The following SLC22A11 variants were observed in gnomAD, a reference collection of about 807,000 sequenced individuals.
SLC22A11 encodes the protein organic anion transporter 4.
In SLC22A11, 42 loss-of-function variants were observed where a neutral mutation model predicts 49.4. The observed-to-expected ratio is 0.85, with a 90% CI of 0.66 to 1.10. SLC22A11 has a LOEUF of 1.10. Ranked by LOEUF, SLC22A11 falls within the 50% of genes least tolerant of loss-of-function variation. The probability of loss-of-function intolerance (pLI) is 0.00; values close to 1 mark genes in which losing one functional copy is unlikely to be tolerated. For synonymous variants in SLC22A11, 304 were observed against 315.8 expected (o/e 0.96, Z 0.40); for missense variants, 685 against 731.6 (o/e 0.94, Z 0.74).
In SLC22A11 at chr11:64,565,689, C is replaced by T. The variant is rs1032870920; in HGVS notation, c.1058+352C>T. 3.3e-5 allele frequency: 13 copies of T among 391,666 alleles called. No homozygotes were observed. The highest frequency in any genetic ancestry group is 5.5e-5 in the Non-Finnish European group (11 of 198,776). 24.3% of individuals were successfully genotyped at this position (391,666 alleles called of 1,614,324 possible). A position where few individuals can be genotyped will look rare whatever the true frequency, so the allele number is the denominator to read the frequency against. Reference sequence around the variant, plus strand: ...GCCGAGGAGTACCACTGTGTGTCATCGTTAGAGACTTACCACTTTCCTAGA... The same window carrying T: ...GCCGAGGAGTACCACTGTGTGTCATTGTTAGAGACTTACCACTTTCCTAGA... On this transcript the variant is annotated intron_variant, in intron 6 of 9. Transcript: ENST00000301891. The surrounding 1 kb of genome is among the most constrained non-coding windows in gnomAD (Gnocchi z 4.1).
In SLC22A11 at chr11:64,562,475, G is replaced by A; in HGVS notation, c.821+40G>A. On this transcript the variant is annotated intron_variant, in intron 4 of 9. Transcript: ENST00000301891. This position sits in a 1 kb window ranked among gnomAD's most constrained non-coding sequence, Gnocchi z 4.4. The stretch of plus-strand genomic sequence containing the variant: ...GGACCTTTTCCTTAGGAGACCCAGG[G>A]TGGGAGGGGGACTCTTCACTTTCAC... 1 of 1,499,480 alleles carries A rather than the reference G, an allele frequency of 6.7e-7. No individual in the cohort carries two copies. Among genetic ancestry groups the A allele is most frequent in the South Asian group, 1.3e-5 (1 of 74,182 alleles). 92.9% of individuals were successfully genotyped at this position (1,499,480 alleles called of 1,614,324 possible). A position where few individuals can be genotyped will look rare whatever the true frequency, so the allele number is the denominator to read the frequency against.
In SLC22A11 at chr11:64,567,642, C is replaced by G; in HGVS notation, c.1102C>G (p.Gln368Glu). The change falls in exon 7 of 10, where the codon CAG becomes GAG. Residue 368 changes from glutamine (Q) to glutamate (E), a missense_variant. Physicochemically the swap from Gln to Glu is conservative, Grantham distance 29. Transcript: ENST00000301891. Reference protein sequence around the residue: ...ISYYGLVFDLQSLGRDIFLLQ... With the variant: ...ISYYGLVFDLESLGRDIFLLQ... ...CTACTATGGGCTGGTCTTCGACCTG[C>G]AGAGCCTGGGCCGTGACATCTTCCT... The G allele has an allele frequency of 6.2e-7, 1 of 1,614,158 alleles. No individual in the cohort carries two copies. The highest frequency in any genetic ancestry group is 8.5e-7 in the Non-Finnish European group (1 of 1,180,032).
At chr11:64,570,910 A>G in intron 9 of SLC22A11, 69 bp from the exon 10 acceptor site, 1 of 1,532,394 alleles carries the variant, frequency 6.5e-7, no homozygotes, top group African/African-American at 1.4e-5. Flanking sequence ...CTTGACCGCC[A>G]TTTTGCCCCA....
chr11:64,557,942 C>A (rs1019804980), intron 1 of SLC22A11, among the ~76,000 whole-genome samples: 13 of 151,976 alleles, frequency 8.6e-5, no homozygotes, highest in African/African-American at 3.1e-4. Flanking sequence ...GAATTACAGG[C>A]ATGCACAACC....
chr11:64,562,520 T>A lies in SLC22A11; in HGVS notation c.821+85T>A. On this transcript the variant is annotated intron_variant, in intron 4 of 9. Transcript: ENST00000301891. The surrounding 1 kb of genome is among the most constrained non-coding windows in gnomAD (Gnocchi z 4.4). ...TTTCACCTCTCTGGCTGGCAGTAGG[T>A]CCAGAGACCTGGAGTGCCACAGAAG... The A allele has an allele frequency of 7.1e-7, 1 of 1,401,604 alleles. No individual in the cohort carries two copies. Among genetic ancestry groups the A allele is most frequent in the Non-Finnish European group, 9.5e-7 (1 of 1,051,138 alleles). The allele number at this position is 1,401,604 out of a possible 1,614,324, so 86.8% of individuals were successfully genotyped here.
Position 64,556,310 on chromosome 11 carries a change from G to C in SLC22A11, c.311G>C (p.Ser104Thr), listed in dbSNP as rs2038456526. The part of the protein sequence containing the change: ...QLLDPNATAT[S>T]WSEADTEPCV... ...TTGGACCCCAATGCCACGGCCACCA[G>C]CTGGAGCGAAGCTGACACGGAGCCG... The change falls in exon 1 of 10, where the codon AGC becomes ACC. Residue 104 changes from serine (S) to threonine (T), a missense_variant. By Grantham distance (58) the Ser-to-Thr change is moderately conservative. Transcript: ENST00000301891. 24 of 1,613,568 alleles carry C rather than the reference G, an allele frequency of 1.5e-5. No individual in the cohort carries two copies. In the East Asian group the frequency reaches 5.3e-4, roughly 36 times the overall value.
chr11:64,567,728 C>T lies in SLC22A11; in HGVS notation c.1188C>T (p.Leu396=), dbSNP rs2038646814. ...FLGRATTALL[L]SFLGRRTIQA... is the part of the protein sequence containing the mutation. ...GCCGGGCCACCACTGCCCTCTTGCT[C>T]AGTTTCCTTGGCCGCCGCACCATCC... is the stretch of plus-strand genomic sequence containing the variant. Residue 396 remains leucine, a synonymous_variant, in exon 7 of 10, where the codon CTC becomes CTT. Transcript: ENST00000301891. The T allele has an allele frequency of 1.2e-6, 2 of 1,613,644 alleles. No homozygotes were observed. The highest frequency in any genetic ancestry group is 4.5e-5 in the East Asian group (2 of 44,872).
In SLC22A11 at chr11:64,564,376, G is replaced by A. The variant is rs1175748296; in HGVS notation, c.890G>A (p.Arg297Lys). ...GKPDQALQELRKVARINGHKE... is the reference protein window; with the variant it reads ...GKPDQALQELKKVARINGHKE... ...CCAGACCAAGCACTTCAGGAGCTCA[G>A]AAAGGTGGCCAGGATAAATGGCCAC... The change falls in exon 5 of 10, where the codon AGA becomes AAA. Residue 297 changes from arginine (R) to lysine (K), a missense_variant. Arg to Lys is a conservative substitution (Grantham distance 26). Coordinates refer to ENST00000301891, the MANE Select transcript of SLC22A11 (RefSeq NM_018484.4). The surrounding 1 kb of genome is among the most constrained non-coding windows in gnomAD (Gnocchi z 4.2). The A allele has an allele frequency of 6.2e-7, 1 of 1,614,154 alleles. No homozygotes were observed. Among genetic ancestry groups the A allele is most frequent in the South Asian group, 1.1e-5 (1 of 91,086 alleles).
Position 64,559,169 on chromosome 11 carries a change from C to T in SLC22A11, c.428C>T (p.Pro143Leu). Residue 143 changes from proline to leucine, a missense_variant, in exon 2 of 10, where the codon CCC becomes CTC. By Grantham distance (98) the Pro-to-Leu change is moderately conservative. Coordinates refer to ENST00000301891, the MANE Select transcript of SLC22A11 (RefSeq NM_018484.4). ...DLVCSSQGLK[P>L]LSQSIFMSGI... ...GTGTGCAGCTCCCAGGGCTTGAAGC[C>T]CCTAAGCCAGTCCATCTTCATGTCC... 6.2e-7 allele frequency: 1 copy of T among 1,613,550 alleles called. No homozygotes were observed. The highest frequency in any genetic ancestry group is 8.5e-7 in the Non-Finnish European group (1 of 1,179,658).
rs1387780857 is a variant in SLC22A11 at position 64,571,050 on chromosome 11, G to A, written c.*8G>A. On this transcript the variant is annotated 3_prime_UTR_variant, in exon 10 of 10. Coordinates refer to ENST00000301891, the MANE Select transcript of SLC22A11 (RefSeq NM_018484.4). ...GAAAGTACCTCGCTCTAGAAATTGT[G>A]CCTGCATGGAGCCCCTTTAGTCAAA... is the stretch of plus-strand genomic sequence containing the variant. The A allele has an allele frequency of 1.2e-6, 2 of 1,614,090 alleles. No individual in the cohort carries two copies. Among genetic ancestry groups the A allele is most frequent in the Non-Finnish European group, 1.7e-6 (2 of 1,180,028 alleles).
At chr11:64,569,517 T>TGGCATTAGAGGAGGC (rs1471150781) in intron 8 of SLC22A11, 135 bp from the exon 9 acceptor site, 3 of 839,196 alleles carry the variant, frequency 3.6e-6, no homozygotes, top group Non-Finnish European at 1.9e-6. Context: ...GTGGAGGAGG[T>TGGCATTAGAGGAGGC]GGCATTAGAG....
chr11:64,570,567 G>A (rs905312117), intron 9 of SLC22A11, among the ~76,000 whole-genome samples: 3 of 152,204 alleles, frequency 2.0e-5, no homozygotes, highest in Non-Finnish European at 4.4e-5. Flanking sequence ...CTGGGTGACT[G>A]TTCACAGGGC....
chr11:64,557,181 G>A (rs974227922), intron 1 of SLC22A11, among the ~76,000 whole-genome samples: 4 of 152,312 alleles, frequency 2.6e-5, no homozygotes, highest in East Asian at 1.9e-4. Context: ...CCACAACCTC[G>A]CCACAATCTT....
Position 64,571,369 on chromosome 11 carries a change from C to T in SLC22A11, c.*327C>T, listed in dbSNP as rs774655874. The T allele has an allele frequency of 2.3e-5, 7 of 307,418 alleles. No individual in the cohort carries two copies. Among genetic ancestry groups the T allele is most frequent in the South Asian group, 1.5e-4 (3 of 20,136 alleles). 19.0% of individuals were successfully genotyped at this position (307,418 alleles called of 1,614,324 possible). A position where few individuals can be genotyped will look rare whatever the true frequency, so the allele number is the denominator to read the frequency against. On this transcript the variant is annotated 3_prime_UTR_variant, in exon 10 of 10. Transcript: ENST00000301891. The stretch of plus-strand genomic sequence containing the variant: ...ATGTCTTTACACCTTCACTCAGCCA[C>T]GCCAACCAGAGACTGGGTTCCAATC...
At position 64,562,518 on chromosome 11, in the gene SLC22A11, G is replaced by A; in HGVS notation, c.821+83G>A. On this transcript the variant is annotated intron_variant, in intron 4 of 9. Transcript: ENST00000301891. This position sits in a 1 kb window ranked among gnomAD's most constrained non-coding sequence, Gnocchi z 4.4. Reference sequence around the variant, plus strand: ...ACTTTCACCTCTCTGGCTGGCAGTAGGTCCAGAGACCTGGAGTGCCACAGA... The same window carrying A: ...ACTTTCACCTCTCTGGCTGGCAGTAAGTCCAGAGACCTGGAGTGCCACAGA... The A allele has an allele frequency of 2.8e-6, 4 of 1,416,820 alleles. No individual in the cohort carries two copies. Among genetic ancestry groups the A allele is most frequent in the Non-Finnish European group, 3.8e-6 (4 of 1,064,360 alleles). The allele number at this position is 1,416,820 out of a possible 1,614,324, so 87.8% of individuals were successfully genotyped here.
rs770011756 is a variant in SLC22A11 at position 64,562,016 on chromosome 11, GC to G, written c.512del (p.Pro171ArgfsTer3). ...GLLSYRFGRK[P>X]MLSWCCLQLA... ...TCTCCTGTGACAGGTTTGGGAGGAA[GC>G]CGATGCTGAGCTGGTGCTGCCTGCA... On this transcript the variant is annotated frameshift_variant, in exon 3 of 10. Transcript: ENST00000301891. LOFTEE classifies it high-confidence loss of function. The surrounding 1 kb of genome is among the most constrained non-coding windows in gnomAD (Gnocchi z 4.4). The G allele has an allele frequency of 6.2e-7, 1 of 1,612,946 alleles. No homozygotes were observed. Among genetic ancestry groups the G allele is most frequent in the Non-Finnish European group, 8.5e-7 (1 of 1,179,674 alleles).
In SLC22A11 at chr11:64,562,260, C is replaced by T; in HGVS notation, c.653-7C>T. 1 of 1,600,344 alleles carries T rather than the reference C, an allele frequency of 6.2e-7. No individual in the cohort carries two copies. The highest frequency in any genetic ancestry group is 8.5e-7 in the Non-Finnish European group (1 of 1,170,880). Reference sequence around the variant, plus strand: ...AGGCCTCACCTGCACGTGTCTGCATCCTTCAGTGGTGGAGTGGACCACGAC... The same window carrying T: ...AGGCCTCACCTGCACGTGTCTGCATTCTTCAGTGGTGGAGTGGACCACGAC... On this transcript the variant is annotated splice_polypyrimidine_tract_variant and splice_region_variant and intron_variant, in intron 3 of 9. Transcript: ENST00000301891. This position sits in a 1 kb window ranked among gnomAD's most constrained non-coding sequence, Gnocchi z 4.4.
intron 7 of SLC22A11, among the ~76,000 whole-genome samples, 192 bp from the exon 8 acceptor site, chr11:64,568,478 C>G (rs1455469967): frequency 1.3e-5 from 2 of 152,224 alleles, no homozygotes; most frequent in East Asian, 3.9e-4. Context: ...CCCCTCGGGC[C>G]CCTGCCGCGA....
At chr11:64,569,469 C>T (rs2038673707) in intron 8 of SLC22A11, among the ~76,000 whole-genome samples, 183 bp from the exon 9 acceptor site, 1 of 152,104 alleles carries the variant, frequency 6.6e-6, no homozygotes, top group African/African-American at 2.4e-5. Context: ...CTAGAGATTT[C>T]CCCTGAAACA....
Sources: gnomAD v4.1 joint callset for allele counts (sites outside exome capture counted in the v4.1 genomes callset) on GRCh38, gnomAD v4.1.1 for gene constraint, Gnocchi (gnomAD v3.1) non-coding constraint, MANE v1.5 for transcripts, NCBI Gene and HGNC (gene_info 2026-07-23, HGNC 2026-07-21) for gene names.